Variants in BOLL observed in about 807,000 individuals in gnomAD.
BOLL encodes the protein boule RNA binding protein.
A neutral mutation model predicts 44.4 loss-of-function variants in BOLL; 23 were observed. The ratio of observed to expected loss-of-function variants is 0.52; its 90% CI spans 0.37 to 0.73. The LOEUF (loss-of-function observed/expected upper bound fraction) is 0.73, where lower values mean the gene tolerates loss of function less well. BOLL is among the 30% of genes least tolerant of loss of function. BOLL has a pLI of 0.00. For missense variants in BOLL, 287 were observed against 338.3 expected, an observed-to-expected ratio of 0.85 and a Z score of 1.19; for synonymous variants, 97 against 110.8, an observed-to-expected ratio of 0.88 and a Z score of 0.78.
At chr2:197,781,936 A>G in intron 1 of BOLL, 71 bp from the exon 2 acceptor site, 1 of 1,334,210 alleles carries the variant, frequency 7.5e-7, no homozygotes, top group Non-Finnish European at 9.9e-7. Flanking sequence ...CAGACCAAAA[A>G]CATATATTTT....
At position 197,757,402 on chromosome 2, in the gene BOLL, TA is replaced by T. The variant is rs1444027775; in HGVS notation, c.553-3del. On this transcript the variant is annotated splice_region_variant and splice_polypyrimidine_tract_variant and intron_variant, in intron 7 of 10. Coordinates refer to ENST00000392296, the MANE Select transcript of BOLL (RefSeq NM_033030.6). Reference sequence around the variant, plus strand: ...TCCTGGTAAATACTGTGTGGTGGCCTAAAATTAAATAAAAGAAAAGAAAAAC... The same window carrying T: ...TCCTGGTAAATACTGTGTGGTGGCCTAAATTAAATAAAAGAAAAGAAAAAC... 3 of 1,606,214 alleles carry T rather than the reference TA, an allele frequency of 1.9e-6. No homozygotes were observed. Among genetic ancestry groups the T allele is most frequent in the South Asian group, 2.2e-5 (2 of 88,906 alleles).
At chr2:197,751,563 T>A (rs1318126296) in intron 9 of BOLL, among the ~76,000 whole-genome samples, 1 of 152,186 alleles carries the variant, frequency 6.6e-6, no homozygotes, top group Admixed American at 6.5e-5. Context: ...GATAAATTTC[T>A]GGACATATAC....
intron 5 of BOLL, among the ~76,000 whole-genome samples, chr2:197,775,334 T>A (rs1390884743): frequency 1.3e-5 from 2 of 151,942 alleles, no homozygotes; most frequent in Non-Finnish European, 2.9e-5. Context: ...ATTAAAATTT[T>A]TCTCATTAGT....
At chr2:197,756,708 A>T in intron 8 of BOLL, 152 bp from the exon 9 acceptor site, 1 of 618,552 alleles carries the variant, frequency 1.6e-6, no homozygotes, top group Non-Finnish European at 2.5e-6. Flanking sequence ...AACGGATTAG[A>T]AACTGATCTG....
At chr2:197,735,751 A>C (rs1483410750) in intron 10 of BOLL, among the ~76,000 whole-genome samples, 4 of 152,184 alleles carry the variant, frequency 2.6e-5, no homozygotes, top group African/African-American at 4.8e-5. Flanking sequence ...CTGTCTATGC[A>C]TGTCCCACTT....
At position 197,728,474 on chromosome 2, in the gene BOLL, G is replaced by A; in HGVS notation, c.*81C>T. On this transcript the variant is annotated 3_prime_UTR_variant, in exon 11 of 11. Coordinates refer to ENST00000392296, the MANE Select transcript of BOLL (RefSeq NM_033030.6). ...TTTCACAACGGGCAGCTTCTAGCTG[G>A]TTCGTTGAAGCTGGATCTCGGCCAC... 6.2e-7 allele frequency: 1 copy of A among 1,608,502 alleles called. No individual in the cohort carries two copies. Among genetic ancestry groups the A allele is most frequent in the African/African-American group, 1.3e-5 (1 of 74,904 alleles).
chr2:197,735,221 T>C (rs897821113), intron 10 of BOLL, among the ~76,000 whole-genome samples: 1 of 152,092 alleles, frequency 6.6e-6, no homozygotes, highest in East Asian at 1.9e-4. Flanking sequence ...AATTTCACAA[T>C]AATTGGCCTT....
At chr2:197,774,959 A>G (rs1428006608) in intron 5 of BOLL, 1 of 151,962 alleles carries the variant, frequency 6.6e-6, no homozygotes, top group Non-Finnish European at 1.5e-5. Context: ...TGTTTTAAAC[A>G]TTCCCGTAGA....
chr2:197,740,812 A>G (rs1221400797), intron 10 of BOLL, among the ~76,000 whole-genome samples: 1 of 152,174 alleles, frequency 6.6e-6, no homozygotes, highest in South Asian at 2.1e-4. Flanking sequence ...TTTGAAAACA[A>G]TGGTGATGGT....
chr2:197,755,183 C>T (rs1174960679), intron 9 of BOLL, among the ~76,000 whole-genome samples: 1 of 152,120 alleles, frequency 6.6e-6, no homozygotes, highest in Non-Finnish European at 1.5e-5. Flanking sequence ...TGCTAATCAA[C>T]ACAATGAGAT....
At chr2:197,749,769 C>T (rs991499366) in intron 9 of BOLL, among the ~76,000 whole-genome samples, 1 of 151,980 alleles carries the variant, frequency 6.6e-6, no homozygotes, top group Non-Finnish European at 1.5e-5. Flanking sequence ...GATTGGTGTA[C>T]CTAAAAGTGA....
chr2:197,741,831 G>C (rs536709692), intron 10 of BOLL, among the ~76,000 whole-genome samples: 1 of 152,218 alleles, frequency 6.6e-6, no homozygotes, highest in African/African-American at 2.4e-5. Flanking sequence ...TTAAACTAAA[G>C]AGCTTCTGCA....
chr2:197,784,772 C>A (rs1047971527), intron 1 of BOLL: 9 of 987,426 alleles, frequency 9.1e-6, no homozygotes, highest in Non-Finnish European at 1.1e-5. Context: ...CAGGTGGAGG[C>A]AACATCTAAG....
In BOLL at chr2:197,771,801, A is replaced by G. The variant is rs1450561620; in HGVS notation, c.480+54T>C. ...AAGATATTTCAGAAATATAACAAAC[A>G]TTAAAAAATTGATAGTAATAGATGG... On this transcript the variant is annotated intron_variant, in intron 6 of 10. Transcript: ENST00000392296. 4.8e-6 allele frequency: 7 copies of G among 1,451,980 alleles called. No homozygotes were observed. The Admixed American group carries it at 7.4e-5, about 15-fold the overall frequency. 89.9% of individuals were successfully genotyped at this position (1,451,980 alleles called of 1,614,324 possible). A position where few individuals can be genotyped will look rare whatever the true frequency, so the allele number is the denominator to read the frequency against.
intron 7 of BOLL, among the ~76,000 whole-genome samples, chr2:197,762,033 T>C (rs868665023): frequency 6.6e-6 from 1 of 152,126 alleles, no homozygotes; most frequent in Non-Finnish European, 1.5e-5. Flanking sequence ...ACTCTCAGCA[T>C]TGGACAGATT....
chr2:197,729,156 C>T (rs995861381), intron 10 of BOLL, among the ~76,000 whole-genome samples: 1 of 152,208 alleles, frequency 6.6e-6, no homozygotes, highest in African/African-American at 2.4e-5. Context: ...GGCATTGCCT[C>T]ACTTGGGAAG....
rs1359426562 is a variant in BOLL, at chr2:197,785,193, C to A, written c.-153G>T. ...TGGGCACCGAAACGAGGATCCACCC[C>A]CTCCCCACCAAAGTGCGGGAGGGAA... On this transcript the variant is annotated 5_prime_UTR_variant, in exon 1 of 11. Transcript: ENST00000392296. The surrounding 1 kb of genome is among the most constrained non-coding windows in gnomAD (Gnocchi z 6.7). The A allele has an allele frequency of 2.0e-6, 2 of 985,882 alleles. No individual in the cohort carries two copies. Among genetic ancestry groups the A allele is most frequent in the Non-Finnish European group, 2.4e-6 (2 of 829,948 alleles). The allele number at this position is 985,882 out of a possible 1,614,324, so 61.1% of individuals were successfully genotyped here.
intron 9 of BOLL, among the ~76,000 whole-genome samples, chr2:197,746,701 A>G (rs1355107448): frequency 6.6e-6 from 1 of 151,988 alleles, no homozygotes; most frequent in East Asian, 1.9e-4. Flanking sequence ...AGAAATCGAG[A>G]CCATCCTGGC....
chr2:197,729,996 CA>C (rs1473514545), intron 10 of BOLL, among the ~76,000 whole-genome samples: 2 of 151,476 alleles, frequency 1.3e-5, no homozygotes, highest in Non-Finnish European at 2.9e-5. Flanking sequence ...AAGAAGGCTT[CA>C]GACGATCAAA....
Sources: allele counts gnomAD v4.1 joint callset (sites outside exome capture counted in the v4.1 genomes callset), GRCh38; gene constraint gnomAD v4.1.1; non-coding constraint Gnocchi (gnomAD v3.1); transcripts MANE v1.5; gene names NCBI Gene and HGNC (gene_info 2026-07-23, HGNC 2026-07-21).